XPO6: variants seen among roughly 807,000 people sequenced by gnomAD.
The protein encoded by XPO6 is exportin 6.
Under a neutral mutation model 130.0 loss-of-function variants are expected in XPO6, and 3 were observed. The observed-to-expected ratio is 0.02, with a 90% CI of 0.01 to 0.06. The LOEUF (loss-of-function observed/expected upper bound fraction) is 0.06. Ranked by LOEUF, XPO6 falls within the 10% of genes least tolerant of loss-of-function variation. The pLI, the probability that XPO6 is intolerant of heterozygous loss-of-function variation, is 1.00. For synonymous variants in XPO6, 524 were observed against 548.9 expected (o/e 0.95, Z 0.63); for missense variants, 970 against 1,393.0 (o/e 0.70, Z 4.83).
chr16:28,184,469 A>G (rs2043663232), intron 1 of XPO6, among the ~76,000 whole-genome samples: 1 of 152,158 alleles, frequency 6.6e-6, no homozygotes, highest in Admixed American at 6.5e-5. Flanking sequence ...AAAGGAAAAG[A>G]CTGGTAAGTT....
At position 28,112,937 on chromosome 16, in the gene XPO6, G is replaced by T; in HGVS notation, c.2118C>A (p.Ile706=). The T allele has an allele frequency of 6.2e-7, 1 of 1,614,148 alleles. No homozygotes were observed. Among genetic ancestry groups the T allele is most frequent in the South Asian group, 1.1e-5 (1 of 91,064 alleles). ...CAAGTCGCAGGGCAGAGGCATCAGTGATTCTGTTGAATACTTTCTGCACTG... is the reference window on the plus strand; with the variant it reads ...CAAGTCGCAGGGCAGAGGCATCAGTTATTCTGTTGAATACTTTCTGCACTG... ...IPAVQKVFNR[I]TDASALRLVD... Residue 706 remains isoleucine, a synonymous_variant, in exon 16 of 24, where the codon ATC becomes ATA. Coordinates refer to ENST00000304658, the MANE Select transcript of XPO6 (RefSeq NM_015171.4).
intron 1 of XPO6, among the ~76,000 whole-genome samples, chr16:28,202,149 G>A (rs2043963483): frequency 6.6e-6 from 1 of 152,154 alleles, no homozygotes; most frequent in African/African-American, 2.4e-5. Context: ...TGCTGTGGCT[G>A]GAAAACAAGG....
chr16:28,172,229 G>A (rs1454124510), intron 4 of XPO6, among the ~76,000 whole-genome samples: 1 of 152,192 alleles, frequency 6.6e-6, no homozygotes, highest in African/African-American at 2.4e-5. Context: ...TACCCAGGAA[G>A]CTTTTGATTA....
rs143592683 is a variant in XPO6, at chr16:28,191,446, A to G, written c.4-10415T>C. Among the ~76,000 whole-genome samples the G allele has an allele frequency of 2.0e-5, 3 of 152,308 alleles. No homozygotes were observed. The East Asian group carries it at 5.8e-4, about 29-fold the overall frequency. On this transcript the variant is annotated intron_variant, in intron 1 of 23. Coordinates refer to ENST00000304658, the MANE Select transcript of XPO6 (RefSeq NM_015171.4). ...GGATGTTTATATCTGCATGCCTAGT[A>G]TTAAACTCAAAAGATACTTACTGGG... is the stretch of plus-strand genomic sequence containing the variant.
chr16:28,153,519 C>T (rs2043130955), intron 7 of XPO6: 1 of 985,412 alleles, frequency 1.0e-6, no homozygotes. Flanking sequence ...CACAGTGAAT[C>T]CCCAACTCAT....
At chr16:28,209,939 C>G (rs2044099469) in intron 1 of XPO6, among the ~76,000 whole-genome samples, 1 of 151,994 alleles carries the variant, frequency 6.6e-6, no homozygotes, top group African/African-American at 2.4e-5. Flanking sequence ...AGGTTCAAGA[C>G]CAGCCTGGGG....
In XPO6 at chr16:28,151,907, C is replaced by T. The variant is rs187972088; in HGVS notation, c.1224+752G>A. Among the ~76,000 whole-genome samples, 105 of 152,104 alleles carry T rather than the reference C, an allele frequency of 6.9e-4. 1 individual carries two copies. The highest frequency in any genetic ancestry group is 3.4e-3 in the Middle Eastern group (1 of 292). On this transcript the variant is annotated intron_variant, in intron 8 of 23. Coordinates refer to ENST00000304658, the MANE Select transcript of XPO6 (RefSeq NM_015171.4). ...AAGATAAAACACACACCAACAGGCA[C>T]GGGGGATAGGATGTGATAGAAATAT... is the stretch of plus-strand genomic sequence containing the variant.
intron 6 of XPO6, among the ~76,000 whole-genome samples, chr16:28,161,104 A>G (rs1362224776): frequency 6.6e-6 from 1 of 152,232 alleles, no homozygotes; most frequent in Non-Finnish European, 1.5e-5. Context: ...GCCTTTTCAA[A>G]TAACTGTGTC....
At chr16:28,143,207 G>A (rs761920801) in intron 9 of XPO6, among the ~76,000 whole-genome samples, 1 of 152,206 alleles carries the variant, frequency 6.6e-6, no homozygotes, top group African/African-American at 2.4e-5. Context: ...GGGCAGGCAG[G>A]TAAACATCTG....
At position 28,111,935 on chromosome 16, in the gene XPO6, C is replaced by T; in HGVS notation, c.2223G>A (p.Glu741=). 6.2e-7 allele frequency: 1 copy of T among 1,614,124 alleles called. No individual in the cohort carries two copies. Among genetic ancestry groups the T allele is most frequent in the Non-Finnish European group, 8.5e-7 (1 of 1,180,018 alleles). ...LLPWPNLPEN[E]QQWPVRSINH... The stretch of plus-strand genomic sequence containing the variant: ...TGATGGAGCGCACGGGCCACTGCTG[C>T]TCATTCTCTGGAAGGTTTGGCCACG... Residue 741 remains glutamate (E), a synonymous_variant, in exon 17 of 24, where the codon GAG becomes GAA. Transcript: ENST00000304658.
chr16:28,136,266 C>CTGAA (rs2042773273), intron 9 of XPO6, among the ~76,000 whole-genome samples: 1 of 152,204 alleles, frequency 6.6e-6, no homozygotes, highest in South Asian at 2.1e-4. Context: ...GTCACCCAGG[C>CTGAA]TGAAGTGCAA....
rs189050806 is a variant in XPO6 at position 28,112,695 on chromosome 16, G to A, written c.2151+209C>T. 1.3e-4 allele frequency among the ~76,000 whole-genome samples: 20 copies of A among 152,362 alleles called. 1 individual carries two copies. Among genetic ancestry groups the A allele is most frequent in the African/African-American group, 3.1e-4 (13 of 41,582 alleles). ...TGCACACTGGGAGGTGCTTTTCCAC[G>A]CCTCAATCAGCACACTGACTGCCTG... On this transcript the variant is annotated intron_variant, in intron 16 of 23. Coordinates refer to ENST00000304658, the MANE Select transcript of XPO6 (RefSeq NM_015171.4).
intron 17 of XPO6, among the ~76,000 whole-genome samples, chr16:28,108,126 C>T (rs939785262): frequency 2.9e-4 from 44 of 152,166 alleles, no homozygotes; most frequent in African/African-American, 1.1e-3. Context: ...AACCTTGTCA[C>T]TCAGTGGGAT....
At chr16:28,210,523 T>C (rs1047645855) in intron 1 of XPO6, among the ~76,000 whole-genome samples, 15 of 152,178 alleles carry the variant, frequency 9.9e-5, no homozygotes, top group Non-Finnish European at 1.0e-4. Flanking sequence ...AATAGACAGA[T>C]AAGGCTCAGA....
At chr16:28,176,364 A>G (rs2043533796) in intron 3 of XPO6, among the ~76,000 whole-genome samples, 1 of 152,254 alleles carries the variant, frequency 6.6e-6, no homozygotes, top group Non-Finnish European at 1.5e-5. Flanking sequence ...ACCAAAATAT[A>G]ATGACAGAAG....
At chr16:28,158,883 A>G (rs1035828292) in intron 6 of XPO6, among the ~76,000 whole-genome samples, 13 of 152,270 alleles carry the variant, frequency 8.5e-5, no homozygotes, top group African/African-American at 1.2e-4. Flanking sequence ...GAAACAGGGG[A>G]AAAAAAGCTA....
chr16:28,128,485 T>G (rs2042604928), intron 12 of XPO6, among the ~76,000 whole-genome samples: 1 of 152,190 alleles, frequency 6.6e-6, no homozygotes, highest in Non-Finnish European at 1.5e-5. Context: ...ATCCAATTCC[T>G]TCAACTAGGT....
At chr16:28,211,186 C>T (rs920337591) in intron 1 of XPO6, among the ~76,000 whole-genome samples, 180 bp downstream of exon 1, 7 of 152,240 alleles carry the variant, frequency 4.6e-5, no homozygotes, top group Admixed American at 6.5e-5. Context: ...GCCATCATCC[C>T]TGGGGGGATG....
chr16:28,169,633 T>C, intron 5 of XPO6, 117 bp downstream of exon 5: 1 of 1,348,616 alleles, frequency 7.4e-7, no homozygotes, highest in Non-Finnish European at 1.0e-6. Flanking sequence ...CAGCTTCCCA[T>C]TTTCATGCTA....
Sources: allele counts gnomAD v4.1 joint callset (sites outside exome capture counted in the v4.1 genomes callset), GRCh38; gene constraint gnomAD v4.1.1; transcripts MANE v1.5; gene names NCBI Gene and HGNC (gene_info 2026-07-23, HGNC 2026-07-21).